Variants in MANBA observed in about 807,000 individuals in gnomAD.
MANBA encodes the protein mannosidase beta.
MANBA carries 83 observed loss-of-function variants against 111.1 expected under a neutral mutation model. The observed-to-expected ratio is 0.75, with a 90% CI of 0.63 to 0.90. The LOEUF is 0.90. MANBA is among the 40% of genes least tolerant of loss of function. The probability of loss-of-function intolerance (pLI) is 0.00; values close to 1 mark genes in which losing one functional copy is unlikely to be tolerated. For synonymous variants in MANBA, 370 were observed against 378.7 expected, an observed-to-expected ratio of 0.98 and a Z score of 0.27; for missense variants, 1,036 against 1,069.0, an observed-to-expected ratio of 0.97 and a Z score of 0.43.
At chr4:102,751,703 C>T (rs892185212) in intron 1 of MANBA, 10 of 542,564 alleles carry the variant, frequency 1.8e-5, no homozygotes, top group African/African-American at 1.7e-4. Flanking sequence ...TCCATGATGA[C>T]TGGATCCTTT....
Position 102,706,255 on chromosome 4 carries a change from C to T in MANBA, c.673+8183G>A, listed in dbSNP as rs950871522. 2.0e-5 allele frequency among the ~76,000 whole-genome samples: 3 copies of T among 152,228 alleles called. No individual in the cohort carries two copies. In the South Asian group the frequency reaches 6.2e-4, roughly 31 times the overall value. On this transcript the variant is annotated intron_variant, in intron 5 of 16. Transcript: ENST00000647097. The stretch of plus-strand genomic sequence containing the variant: ...CCACCAGTGAAGTCCAAGGACTGGC[C>T]TTCTTGATGACCCCATCCCCAGCAA...
intron 1 of MANBA, chr4:102,728,438 A>C (rs1028517763): frequency 2.2e-6 from 1 of 456,116 alleles, no homozygotes; most frequent in African/African-American, 2.0e-5. Context: ...TTGGATGCAG[A>C]TTGAAGAGAG....
chr4:102,743,711 T>C (rs1314977702), intron 1 of MANBA, among the ~76,000 whole-genome samples: 2 of 152,126 alleles, frequency 1.3e-5, no homozygotes, highest in Admixed American at 1.3e-4. Context: ...CAACCTACTT[T>C]ATGGCTAGAT....
chr4:102,639,231 A>G (rs1181068179), intron 14 of MANBA, among the ~76,000 whole-genome samples: 1 of 152,178 alleles, frequency 6.6e-6, no homozygotes, highest in Non-Finnish European at 1.5e-5. Flanking sequence ...GCCTTAAGAG[A>G]CATCTTCATT....
At chr4:102,726,237 T>C (rs998088591) in intron 2 of MANBA, among the ~76,000 whole-genome samples, 5 of 152,178 alleles carry the variant, frequency 3.3e-5, no homozygotes, top group Non-Finnish European at 7.4e-5. Context: ...AAACAGTATC[T>C]GTGCTTCACC....
chr4:102,703,094 A>G (rs1189866465), intron 5 of MANBA, among the ~76,000 whole-genome samples: 1 of 152,196 alleles, frequency 6.6e-6, no homozygotes, highest in South Asian at 2.1e-4. Context: ...ACACTACTAC[A>G]GAGATAGCTA....
chr4:102,760,870 G>A lies in MANBA; in HGVS notation c.25C>T (p.Leu9Phe). Residue 9 changes from leucine (L) to phenylalanine (F), a missense_variant, in exon 1 of 17, where the codon CTC becomes TTC. Coordinates refer to ENST00000647097, the MANE Select transcript of MANBA (RefSeq NM_005908.4). ...GTGGTGCCTGCACCGCACAGCGCGA[G>A]CAGCAGGAGCAGGTGGAGGCGCATC... The part of the protein sequence containing the change: MRLHLLLL[L>F]ALCGAGTTAA... 4.5e-6 allele frequency: 7 copies of A among 1,571,170 alleles called. No individual in the cohort carries two copies. The highest frequency in any genetic ancestry group is 1.7e-4 in the Middle Eastern group (1 of 5,780).
At chr4:102,638,588 C>T (rs1174639836) in intron 14 of MANBA, among the ~76,000 whole-genome samples, 3 of 152,170 alleles carry the variant, frequency 2.0e-5, no homozygotes, top group South Asian at 2.1e-4. Flanking sequence ...AACTCAGTTT[C>T]AGTCCACAAC....
chr4:102,754,018 G>GA (rs759114648), intron 1 of MANBA: 831 of 230,132 alleles, frequency 3.6e-3, no homozygotes, highest in South Asian at 8.4e-3. Context: ...AAAAAAAAAA[G>GA]AAAAAAAAAA....
intron 5 of MANBA, among the ~76,000 whole-genome samples, chr4:102,707,809 A>C (rs907808733): frequency 3.3e-5 from 5 of 152,162 alleles, no homozygotes; most frequent in African/African-American, 9.6e-5. Context: ...AAGTAAAGGA[A>C]TGGAAAAATA....
chr4:102,634,556 G>A (rs543991768), intron 16 of MANBA, among the ~76,000 whole-genome samples: 4 of 152,358 alleles, frequency 2.6e-5, no homozygotes, highest in African/African-American at 4.8e-5. Context: ...CTAAGGAGGG[G>A]TGATGGGACA....
At chr4:102,632,339 T>C in intron 16 of MANBA, 58 bp from the exon 17 acceptor site, 2 of 1,305,562 alleles carry the variant, frequency 1.5e-6, no homozygotes, top group South Asian at 2.4e-5. Context: ...TTATATAGTC[T>C]GTATACAGTT....
At chr4:102,734,497 T>C (rs1401018751) in intron 1 of MANBA, 1 of 1,606,680 alleles carries the variant, frequency 6.2e-7, no homozygotes, top group Non-Finnish European at 8.5e-7. Context: ...ATTCCCAAGT[T>C]CCACGAGGTG....
chr4:102,668,786 T>C (rs936395002), intron 10 of MANBA, 177 bp downstream of exon 10: 2 of 609,014 alleles, frequency 3.3e-6, no homozygotes, highest in African/African-American at 1.9e-5. Flanking sequence ...CATCAGCCAA[T>C]AGATGATGGT....
intron 1 of MANBA, among the ~76,000 whole-genome samples, chr4:102,749,099 C>T (rs1443180624): frequency 1.3e-5 from 2 of 150,776 alleles, no homozygotes; most frequent in African/African-American, 2.4e-5. Context: ...TAACAACAGA[C>T]GTGAGAAAAA....
chr4:102,760,834 G>C lies in MANBA; in HGVS notation c.61C>G (p.Leu21Val). Residue 21 changes from leucine (L) to valine (V), a missense_variant, in exon 1 of 17, where the codon CTC (leucine) becomes GTC (valine). Coordinates refer to ENST00000647097, the MANE Select transcript of MANBA (RefSeq NM_005908.4). ...CAGTTGCCACGCAAGCTGTAACTGA[G>C]CTCCGCGGCGGTGGTGCCTGCACCG... ...LCGAGTTAAE[L>V]SYSLRGNWSI... 6.4e-7 allele frequency: 1 copy of C among 1,569,834 alleles called. No individual in the cohort carries two copies. The highest frequency in any genetic ancestry group is 8.6e-7 in the Non-Finnish European group (1 of 1,158,012).
chr4:102,707,395 C>A (rs1733347785), intron 5 of MANBA, among the ~76,000 whole-genome samples: 1 of 152,162 alleles, frequency 6.6e-6, no homozygotes, highest in Admixed American at 6.5e-5. Context: ...TGAGGGAATT[C>A]ATCACCACTA....
chr4:102,667,985 A>G (rs1003337754), intron 10 of MANBA: 7 of 152,218 alleles, frequency 4.6e-5, no homozygotes, highest in Non-Finnish European at 1.0e-4. Flanking sequence ...CCGATGTTTC[A>G]GTAGTATTTT....
intron 13 of MANBA, among the ~76,000 whole-genome samples, chr4:102,643,148 TA>T (rs1478315346): frequency 1.3e-5 from 2 of 152,162 alleles, no homozygotes; most frequent in African/African-American, 4.8e-5. Flanking sequence ...GGAAACCACT[TA>T]ATCTACTTCC....
Sources: gnomAD v4.1 joint callset for allele counts (sites outside exome capture counted in the v4.1 genomes callset) on GRCh38, gnomAD v4.1.1 for gene constraint, MANE v1.5 for transcripts, NCBI Gene and HGNC (gene_info 2026-07-23, HGNC 2026-07-21) for gene names.